The following DPYD variants were observed in gnomAD, a reference collection of about 807,000 sequenced individuals.
The protein encoded by DPYD is dihydropyrimidine dehydrogenase [NADP(+)].
A neutral mutation model predicts 116.2 loss-of-function variants in DPYD; 109 were observed. That is an observed-to-expected ratio of 0.94 (90% CI 0.80 to 1.10). The LOEUF (loss-of-function observed/expected upper bound fraction) is 1.10, where lower values mean the gene tolerates loss of function less well. Ranked by LOEUF, DPYD falls within the 50% of genes least tolerant of loss-of-function variation. The probability of loss-of-function intolerance (pLI) is 0.00; values close to 1 mark genes in which losing one functional copy is unlikely to be tolerated. For synonymous variants in DPYD, 440 were observed against 432.0 expected (o/e 1.02, Z -0.23); for missense variants, 1,302 against 1,254.5 (o/e 1.04, Z -0.57).
intron 8 of DPYD, among the ~76,000 whole-genome samples, chr1:97,668,128 A>G (rs2100887027): frequency 6.6e-6 from 1 of 152,304 alleles, no homozygotes; most frequent in South Asian, 2.1e-4. Context: ...CCCACTATTC[A>G]CTTAAAGATG....
chr1:97,627,358 T>C (rs1470512831), intron 8 of DPYD, among the ~76,000 whole-genome samples: 1 of 152,106 alleles, frequency 6.6e-6, no homozygotes, highest in East Asian at 1.9e-4. Context: ...ACATTATTTC[T>C]AGAAACAGAA....
At chr1:97,877,268 G>A (rs568196013) in intron 2 of DPYD, among the ~76,000 whole-genome samples, 1 of 152,060 alleles carries the variant, frequency 6.6e-6, no homozygotes, top group South Asian at 2.1e-4. Flanking sequence ...GGTGACCAGT[G>A]GGAAGATGGC....
At chr1:97,850,799 C>T (rs12089031) in intron 2 of DPYD, among the ~76,000 whole-genome samples, 37,750 of 151,838 alleles carry the variant, frequency 0.25, 4,923 homozygotes, top group African/African-American at 0.3. Flanking sequence ...GATTTTTGTA[C>T]TTCATTGCTT....
intron 16 of DPYD, among the ~76,000 whole-genome samples, chr1:97,370,579 C>T (rs1671266216): frequency 6.6e-6 from 1 of 152,108 alleles, no homozygotes; most frequent in African/African-American, 2.4e-5. Context: ...GAACTTAAAG[C>T]AAATTTTTTT....
chr1:97,363,607 G>C (rs963351400), intron 16 of DPYD, among the ~76,000 whole-genome samples: 15 of 152,256 alleles, frequency 9.9e-5, no homozygotes, highest in African/African-American at 3.6e-4. Flanking sequence ...ATACACCATG[G>C]ATATTATGTA....
chr1:97,584,908 C>T (rs922941567), intron 10 of DPYD, among the ~76,000 whole-genome samples: 1 of 148,238 alleles, frequency 6.7e-6, no homozygotes. Context: ...ATGTAACAAA[C>T]CTGCACGTTG....
At chr1:97,384,419 C>A (rs1295553674) in intron 14 of DPYD, among the ~76,000 whole-genome samples, 2 of 151,730 alleles carry the variant, frequency 1.3e-5, no homozygotes, top group African/African-American at 4.8e-5. Flanking sequence ...AAAGCTGGAG[C>A]TGCTCTGCAT....
intron 4 of DPYD, among the ~76,000 whole-genome samples, chr1:97,731,806 A>AT (rs2101049842): frequency 6.6e-6 from 1 of 151,988 alleles, no homozygotes; most frequent in South Asian, 2.1e-4. Flanking sequence ...TCTTATACAG[A>AT]TTTTTCTTGT....
rs1027904024 is a variant in DPYD at position 97,577,378 on chromosome 1, C to T, written c.1129-3408G>A. Among the ~76,000 whole-genome samples, 12 of 152,182 alleles carry T rather than the reference C, an allele frequency of 7.9e-5. No homozygotes were observed. The East Asian group carries it at 2.3e-3, about 29-fold the overall frequency. On this transcript the variant is annotated intron_variant, in intron 10 of 22. Coordinates refer to ENST00000370192, the MANE Select transcript of DPYD (RefSeq NM_000110.4). ...CCACCCTGCATGGACTGTGCAGACA[C>T]ACCACAGTGACTGCCTCTCAGTCAA...
At chr1:97,810,009 G>C (rs374347926) in intron 3 of DPYD, among the ~76,000 whole-genome samples, 1 of 151,994 alleles carries the variant, frequency 6.6e-6, no homozygotes, top group African/African-American at 2.4e-5. Context: ...AGCACCGGCC[G>C]GGCGTGGTGG....
chr1:97,578,332 A>G (rs1032385103), intron 10 of DPYD, among the ~76,000 whole-genome samples: 1 of 152,184 alleles, frequency 6.6e-6, no homozygotes. Context: ...GTTACAAAAA[A>G]AAAGTATTTA....
chr1:97,545,723 C>T (rs894302463), intron 12 of DPYD: 20 of 1,258,992 alleles, frequency 1.6e-5, no homozygotes, highest in East Asian at 2.3e-5. Flanking sequence ...GTAATGGCCC[C>T]GAACCGTGAA....
chr1:97,079,206 T>C, intron 22 of DPYD, 60 bp from the exon 23 acceptor site: 3 of 1,588,862 alleles, frequency 1.9e-6, no homozygotes, highest in Non-Finnish European at 1.7e-6. Context: ...AATGTCCCCA[T>C]TTTAGCGTTA....
At chr1:97,291,258 C>T (rs1344451768) in intron 18 of DPYD, among the ~76,000 whole-genome samples, 1 of 151,710 alleles carries the variant, frequency 6.6e-6, no homozygotes, top group African/African-American at 2.4e-5. Context: ...ACTAGTTCAA[C>T]CATTATGGAA....
chr1:97,136,453 C>T (rs1349261492), intron 20 of DPYD, among the ~76,000 whole-genome samples: 1 of 152,134 alleles, frequency 6.6e-6, no homozygotes, highest in East Asian at 1.9e-4. Flanking sequence ...TGTGGACTGC[C>T]TCGCGAATCC....
At chr1:97,633,826 G>T (rs1011118767) in intron 8 of DPYD, among the ~76,000 whole-genome samples, 5 of 152,038 alleles carry the variant, frequency 3.3e-5, no homozygotes, top group Admixed American at 2.6e-4. Flanking sequence ...ACAATATATG[G>T]GGGAATTAAT....
At position 97,445,844 on chromosome 1, in the gene DPYD, G is replaced by A. The variant is rs543885048; in HGVS notation, c.1905+4215C>T. ...GGGTTCAAGCAGTTCTCCTGCCTCA[G>A]CCTCTTGAGTAGCTGGGATTACAGG... is the stretch of plus-strand genomic sequence containing the variant. On this transcript the variant is annotated intron_variant, in intron 14 of 22. Transcript: ENST00000370192. Among the ~76,000 whole-genome samples, 5 of 151,444 alleles carry A rather than the reference G, an allele frequency of 3.3e-5. No homozygotes were observed. The South Asian group carries it at 1.0e-3, about 32-fold the overall frequency.
At chr1:97,245,120 C>G (rs1242985672) in intron 18 of DPYD, among the ~76,000 whole-genome samples, 1 of 152,096 alleles carries the variant, frequency 6.6e-6, no homozygotes, top group Non-Finnish European at 1.5e-5. Context: ...AAATTATTCA[C>G]TCGTTATTTA....
intron 20 of DPYD, among the ~76,000 whole-genome samples, chr1:97,178,080 G>GA (rs1657413700): frequency 6.6e-6 from 1 of 152,066 alleles, no homozygotes; most frequent in Admixed American, 6.6e-5. Context: ...ATTTTGAAGG[G>GA]ACACAAACAT....
Sources: gnomAD v4.1 joint callset for allele counts (sites outside exome capture counted in the v4.1 genomes callset) on GRCh38, gnomAD v4.1.1 for gene constraint, MANE v1.5 for transcripts, NCBI Gene and HGNC (gene_info 2026-07-23, HGNC 2026-07-21) for gene names.